The following CCDC81 variants were observed in gnomAD, a reference collection of about 807,000 sequenced individuals.
CCDC81 encodes the protein coiled-coil domain containing 81.
CCDC81 carries 79 observed loss-of-function variants against 83.7 expected under a neutral mutation model. That is an observed-to-expected ratio of 0.94 (90% CI 0.79 to 1.14). CCDC81 has a LOEUF of 1.14. Among genes scored for constraint, CCDC81 ranks in the 50% most tolerant of loss-of-function variants. CCDC81 has a pLI of 0.00. For missense variants in CCDC81, 791 were observed against 778.1 expected (o/e 1.02, Z -0.20); for synonymous variants, 252 against 278.1 (o/e 0.91, Z 0.93).
chr11:86,388,809 A>G (rs1326766319), intron 3 of CCDC81, among the ~76,000 whole-genome samples: 4 of 145,792 alleles, frequency 2.7e-5, no homozygotes, highest in South Asian at 2.2e-4. Flanking sequence ...CTATTAAAGA[A>G]AATGAAAATA....
intron 14 of CCDC81, 117 bp from the exon 15 acceptor site, chr11:86,422,457 G>C: frequency 1.1e-5 from 9 of 849,198 alleles, no homozygotes; most frequent in Non-Finnish European, 1.7e-5. Context: ...GCAGCATACA[G>C]GCAGAGAACG....
In CCDC81 at chr11:86,387,574, G is replaced by C. The variant is rs749864427; in HGVS notation, c.200G>C (p.Gly67Ala). Residue 67 changes from glycine (G) to alanine (A), a missense_variant, in exon 3 of 15, where the codon GGA becomes GCA. By Grantham distance (60) the Gly-to-Ala change is moderately conservative. Coordinates refer to ENST00000445632, the MANE Select transcript of CCDC81 (RefSeq NM_001156474.2). ...TTCATAAGACAAAAGCTTGAGGTGG[G>C]AAACAACAAATTTATCTTAATCCAG... ...FTFIRQKLEVGNNKFILIQRP... is the reference protein window; with the variant it reads ...FTFIRQKLEVANNKFILIQRP... The C allele has an allele frequency of 1.9e-6, 3 of 1,613,818 alleles. No individual in the cohort carries two copies. Among genetic ancestry groups the C allele is most frequent in the Non-Finnish European group, 2.5e-6 (3 of 1,179,762 alleles).
intron 7 of CCDC81, among the ~76,000 whole-genome samples, chr11:86,406,251 G>T (rs1217258535): frequency 2.0e-5 from 3 of 152,098 alleles, no homozygotes; most frequent in Non-Finnish European, 2.9e-5. Context: ...TAATGATATT[G>T]CTCCATTTTC....
chr11:86,405,951 C>A (rs1392011545), intron 7 of CCDC81, among the ~76,000 whole-genome samples: 1 of 152,076 alleles, frequency 6.6e-6, no homozygotes, highest in Non-Finnish European at 1.5e-5. Flanking sequence ...TTAGCGGAGA[C>A]AGGGTTTCAC....
intron 1 of CCDC81, among the ~76,000 whole-genome samples, chr11:86,377,978 T>TTTC (rs1241207787): frequency 7.0e-6 from 1 of 143,328 alleles, no homozygotes; most frequent in Non-Finnish European, 1.5e-5. Context: ...CTTTTTTTTT[T>TTTC]TTTTTTTTTT....
chr11:86,404,905 G>T (rs1948543511), intron 7 of CCDC81, among the ~76,000 whole-genome samples: 1 of 152,074 alleles, frequency 6.6e-6, no homozygotes. Context: ...TTATGCTGTG[G>T]TTCATTTAAT....
At position 86,412,380 on chromosome 11, in the gene CCDC81, AT is replaced by A; in HGVS notation, c.1219-5del. 1.9e-6 allele frequency: 3 copies of A among 1,571,286 alleles called. No homozygotes were observed. The highest frequency in any genetic ancestry group is 2.6e-6 in the Non-Finnish European group (3 of 1,162,402). ...AGCATAAATGAATTGCTTCTCTTTC[AT>A]TCTAGAAATCCTTCCTATTTGACAA... On this transcript the variant is annotated splice_region_variant and splice_polypyrimidine_tract_variant and intron_variant, in intron 10 of 14. Coordinates refer to ENST00000445632, the MANE Select transcript of CCDC81 (RefSeq NM_001156474.2).
chr11:86,383,821 C>T (rs1948205153), intron 1 of CCDC81, among the ~76,000 whole-genome samples: 2 of 152,170 alleles, frequency 1.3e-5, no homozygotes, highest in Admixed American at 1.3e-4. Flanking sequence ...CTAAAGCCTC[C>T]TAAGGCAAAT....
intron 7 of CCDC81, among the ~76,000 whole-genome samples, chr11:86,407,168 A>G (rs772095587): frequency 1.8e-4 from 27 of 152,216 alleles, no homozygotes; most frequent in Non-Finnish European, 3.1e-4. Flanking sequence ...AACATACTAT[A>G]GAGTGCACTT....
At chr11:86,377,156 T>C (rs1016154120) in intron 1 of CCDC81, among the ~76,000 whole-genome samples, 3 of 151,142 alleles carry the variant, frequency 2.0e-5, no homozygotes, top group Non-Finnish European at 4.4e-5. Flanking sequence ...TATTCCATTA[T>C]CTAGATGTAC....
At position 86,423,050 on chromosome 11, in the gene CCDC81, A is replaced by G. The variant is rs903654471; in HGVS notation, c.*335A>G. 1 of 238,098 alleles carries G rather than the reference A, an allele frequency of 4.2e-6. No homozygotes were observed. Among genetic ancestry groups the G allele is most frequent in the African/African-American group, 2.3e-5 (1 of 44,406 alleles). 14.7% of individuals were successfully genotyped at this position (238,098 alleles called of 1,614,324 possible). ...CTGCTGCTGCTCCATGACTTTGTGTACAAAACTTTTTTCATCTGTAATGAA... is the reference window on the plus strand; with the variant it reads ...CTGCTGCTGCTCCATGACTTTGTGTGCAAAACTTTTTTCATCTGTAATGAA... On this transcript the variant is annotated 3_prime_UTR_variant, in exon 15 of 15. Coordinates refer to ENST00000445632, the MANE Select transcript of CCDC81 (RefSeq NM_001156474.2).
chr11:86,380,857 G>C (rs551091338), intron 1 of CCDC81, among the ~76,000 whole-genome samples: 12 of 152,276 alleles, frequency 7.9e-5, no homozygotes, highest in African/African-American at 2.9e-4. Context: ...ATATCCGTTA[G>C]AGCCCTTAGC....
intron 1 of CCDC81, among the ~76,000 whole-genome samples, chr11:86,385,172 G>T (rs1033585093): frequency 6.6e-6 from 1 of 152,216 alleles, no homozygotes; most frequent in African/African-American, 2.4e-5. Context: ...TGGATCACCT[G>T]AGGTCAGGAG....
At chr11:86,393,775 T>C (rs767629414) in intron 4 of CCDC81, among the ~76,000 whole-genome samples, 3 of 152,216 alleles carry the variant, frequency 2.0e-5, no homozygotes, top group Admixed American at 6.5e-5. Flanking sequence ...AAATAGTCAA[T>C]CTACCAGACT....
rs12272321 is a variant in CCDC81 at position 86,412,750 on chromosome 11, G to A, written c.1391+191G>A. On this transcript the variant is annotated intron_variant, in intron 11 of 14. Transcript: ENST00000445632. ...TCCCCCTCGCAGGGCATGCAGTGGG[G>A]GTGTGGCTTGCTTCTTCAGTGCCCT... Among the ~76,000 whole-genome samples the A allele has an allele frequency of 9.9e-3, 1,508 of 152,278 alleles. 28 individuals carry two copies. Among genetic ancestry groups the A allele is most frequent in the African/African-American group, 0.034 (1,420 of 41,540 alleles).
At chr11:86,402,935 C>T (rs758406495) in intron 7 of CCDC81, among the ~76,000 whole-genome samples, 4 of 151,926 alleles carry the variant, frequency 2.6e-5, no homozygotes, top group Admixed American at 6.6e-5. Flanking sequence ...ACCTGCTGGG[C>T]TCAAGTGATT....
rs527813783 is a variant in CCDC81, at chr11:86,412,449, A to C, written c.1281A>C (p.Glu427Asp). Reference protein sequence around the residue: ...SPALNALKQEEYSRSLLKQMD... With the variant: ...SPALNALKQEDYSRSLLKQMD... ...CGCTTAATGCTCTTAAGCAAGAGGA[A>C]TATTCCCGGAGTCTCCTGAAACAAA... The change falls in exon 11 of 15, where the codon GAA becomes GAC. Residue 427 changes from glutamate (E) to aspartate (D), a missense_variant. Physicochemically the swap from Glu to Asp is conservative, Grantham distance 45. Transcript: ENST00000445632. 1.2e-6 allele frequency: 2 copies of C among 1,613,976 alleles called. No homozygotes were observed. Among genetic ancestry groups the C allele is most frequent in the Admixed American group, 1.7e-5 (1 of 60,016 alleles).
chr11:86,416,727 CA>C (rs1162488262), intron 13 of CCDC81, among the ~76,000 whole-genome samples: 2 of 152,172 alleles, frequency 1.3e-5, no homozygotes, highest in African/African-American at 4.8e-5. Flanking sequence ...CTGGTTATGG[CA>C]GATTCTCTCA....
chr11:86,420,680 A>G (rs1948778178), intron 14 of CCDC81, among the ~76,000 whole-genome samples: 1 of 152,244 alleles, frequency 6.6e-6, no homozygotes, highest in African/African-American at 2.4e-5. Flanking sequence ...AATAGTTTAA[A>G]TTGCCAATTA....
Sources: allele counts gnomAD v4.1 joint callset (sites outside exome capture counted in the v4.1 genomes callset), GRCh38; gene constraint gnomAD v4.1.1; transcripts MANE v1.5; gene names NCBI Gene and HGNC (gene_info 2026-07-23, HGNC 2026-07-21).